RBMS3: variants seen among roughly 807,000 people sequenced by gnomAD.
RBMS3 encodes the protein RNA-binding motif, single-stranded-interacting protein 3.
In RBMS3, 27 loss-of-function variants were observed where a neutral mutation model predicts 66.8. The observed-to-expected ratio is 0.40, with a 90% CI of 0.30 to 0.56. RBMS3 has a LOEUF of 0.56. Among genes scored for constraint, RBMS3 ranks in the 20% least tolerant of loss-of-function variants. RBMS3 has a pLI of 0.40. For synonymous variants in RBMS3, 188 were observed against 183.0 expected, an observed-to-expected ratio of 1.03 and a Z score of -0.22; for missense variants, 513 against 549.5, an observed-to-expected ratio of 0.93 and a Z score of 0.66.
At chr3:29,396,539 C>A (rs980874568) in intron 1 of RBMS3, among the ~76,000 whole-genome samples, 10 of 152,104 alleles carry the variant, frequency 6.6e-5, no homozygotes, top group Non-Finnish European at 1.2e-4. Flanking sequence ...CTGGAAAACT[C>A]ATACTGAAGT....
At chr3:29,625,862 C>T (rs2049045244) in intron 4 of RBMS3, among the ~76,000 whole-genome samples, 1 of 152,082 alleles carries the variant, frequency 6.6e-6, no homozygotes, top group Admixed American at 6.6e-5. Context: ...TCCAGAACAG[C>T]AAATGTGCTG....
At chr3:29,648,426 C>T (rs2050024147) in intron 4 of RBMS3, among the ~76,000 whole-genome samples, 2 of 151,744 alleles carry the variant, frequency 1.3e-5, no homozygotes, top group South Asian at 4.2e-4. Context: ...GTGTGCGCCA[C>T]TACACCTGGC....
chr3:29,872,939 G>A (rs1005508325), intron 7 of RBMS3, among the ~76,000 whole-genome samples: 7 of 151,986 alleles, frequency 4.6e-5, no homozygotes, highest in East Asian at 1.9e-4. Context: ...ATTCTGTTCC[G>A]TTGGTCTATG....
chr3:29,813,193 A>G (rs1367430627), intron 6 of RBMS3, among the ~76,000 whole-genome samples: 1 of 152,098 alleles, frequency 6.6e-6, no homozygotes, highest in Admixed American at 6.6e-5. Flanking sequence ...TGCTTAGGAT[A>G]AATTTCTTAA....
At chr3:29,796,602 A>G (rs2057197915) in intron 6 of RBMS3, among the ~76,000 whole-genome samples, 1 of 151,836 alleles carries the variant, frequency 6.6e-6, no homozygotes, top group Non-Finnish European at 1.5e-5. Context: ...TACAGAATGG[A>G]TGTTGTGTTA....
At chr3:29,626,168 G>A (rs1480954817) in intron 4 of RBMS3, among the ~76,000 whole-genome samples, 2 of 152,158 alleles carry the variant, frequency 1.3e-5, no homozygotes, top group Non-Finnish European at 2.9e-5. Context: ...TGTAAAACGG[G>A]CTTAGCAGCT....
At chr3:29,365,928 T>A (rs1193355611) in intron 1 of RBMS3, among the ~76,000 whole-genome samples, 1 of 152,208 alleles carries the variant, frequency 6.6e-6, no homozygotes, top group South Asian at 2.1e-4. Flanking sequence ...CTCACCAGTT[T>A]ACTGTACTGA....
chr3:29,997,367 G>GAAACT (rs1699314977), intron 14 of RBMS3, among the ~76,000 whole-genome samples: 1 of 150,158 alleles, frequency 6.7e-6, no homozygotes, highest in South Asian at 2.1e-4. Flanking sequence ...CATTCCTTCT[G>GAAACT]AAACTATTCC....
chr3:29,620,925 T>C (rs1321640260), intron 4 of RBMS3, among the ~76,000 whole-genome samples: 1 of 152,194 alleles, frequency 6.6e-6, no homozygotes, highest in African/African-American at 2.4e-5. Context: ...TTTTTAATTG[T>C]GATAAAATAT....
intron 12 of RBMS3, among the ~76,000 whole-genome samples, chr3:29,973,148 A>G (rs187347018): frequency 6.6e-6 from 1 of 152,174 alleles, no homozygotes; most frequent in Non-Finnish European, 1.5e-5. Context: ...CTCTTATTTA[A>G]GGAGGTCACC....
chr3:29,958,484 G>A (rs1462527926), intron 12 of RBMS3, among the ~76,000 whole-genome samples: 1 of 151,988 alleles, frequency 6.6e-6, no homozygotes, highest in Non-Finnish European at 1.5e-5. Context: ...AAACTCTGCT[G>A]TTATTTTAAT....
At chr3:29,604,931 G>A (rs1469215640) in intron 4 of RBMS3, among the ~76,000 whole-genome samples, 1 of 151,786 alleles carries the variant, frequency 6.6e-6, no homozygotes, top group Non-Finnish European at 1.5e-5. Context: ...GGTGCTTTGA[G>A]ATATCTTTTG....
At chr3:29,312,379 A>G (rs2034431402) in intron 1 of RBMS3, among the ~76,000 whole-genome samples, 1 of 151,704 alleles carries the variant, frequency 6.6e-6, no homozygotes, top group African/African-American at 2.4e-5. Context: ...ACTGCTCTCA[A>G]CCTGACAAGA....
At chr3:29,978,620 T>A (rs962706873) in intron 12 of RBMS3, among the ~76,000 whole-genome samples, 13 of 151,782 alleles carry the variant, frequency 8.6e-5, no homozygotes, top group South Asian at 2.1e-4. Context: ...GAAAATTAGG[T>A]TGTCTGAATA....
At chr3:29,704,946 A>G (rs116243063) in intron 4 of RBMS3, among the ~76,000 whole-genome samples, 4,248 of 152,336 alleles carry the variant, frequency 0.028, 86 homozygotes, top group Admixed American at 0.064. Context: ...CCAAATTCAT[A>G]ATGTTGTCAA....
intron 5 of RBMS3, among the ~76,000 whole-genome samples, chr3:29,749,361 G>A (rs2149363177): frequency 6.6e-6 from 1 of 152,214 alleles, no homozygotes; most frequent in Admixed American, 6.5e-5. Context: ...GTAAACCAAG[G>A]ATAATTCTTA....
chr3:29,949,862 C>A (rs569995407), intron 12 of RBMS3, among the ~76,000 whole-genome samples: 1 of 151,698 alleles, frequency 6.6e-6, no homozygotes, highest in South Asian at 2.1e-4. Flanking sequence ...ATCCTCTTGG[C>A]AGCCTTTAGA....
chr3:29,538,282 C>T (rs1407094012), intron 3 of RBMS3, among the ~76,000 whole-genome samples: 2 of 152,034 alleles, frequency 1.3e-5, no homozygotes, highest in Non-Finnish European at 2.9e-5. Flanking sequence ...ATTTATGCGC[C>T]CTGGATTTTC....
chr3:29,669,796 C>T (rs1251521888), intron 4 of RBMS3, among the ~76,000 whole-genome samples: 1 of 151,960 alleles, frequency 6.6e-6, no homozygotes, highest in Non-Finnish European at 1.5e-5. Flanking sequence ...TTTAAACCAC[C>T]TGTGCTGAAG....
Sources: gnomAD v4.1 joint callset for allele counts (sites outside exome capture counted in the v4.1 genomes callset) on GRCh38, gnomAD v4.1.1 for gene constraint, MANE v1.5 for transcripts, NCBI Gene and HGNC (gene_info 2026-07-23, HGNC 2026-07-21) for gene names.